Variants in RPL29 observed in about 807,000 individuals in gnomAD.
RPL29 encodes the protein ribosomal protein L29, also known as large ribosomal subunit protein eL29.
Under a neutral mutation model 7.2 loss-of-function variants are expected in RPL29, and 4 were observed. That is an observed-to-expected ratio of 0.55 (90% CI 0.27 to 1.26). The LOEUF (loss-of-function observed/expected upper bound fraction) is 1.26. Among genes scored for constraint, RPL29 ranks in the 50% most tolerant of loss-of-function variants. RPL29 has a pLI of 0.11. For missense variants in RPL29, 148 were observed against 209.1 expected, an observed-to-expected ratio of 0.71 and a Z score of 1.80; for synonymous variants, 73 against 72.8, an observed-to-expected ratio of 1.00 and a Z score of -0.01.
In RPL29 at chr3:51,995,026, G is replaced by A. The variant is rs910758974; in HGVS notation, c.102+16C>T. 6.2e-7 allele frequency: 1 copy of A among 1,605,328 alleles called. No individual in the cohort carries two copies. The highest frequency in any genetic ancestry group is 8.5e-7 in the Non-Finnish European group (1 of 1,172,260). ...GAACCAAGAAAAGACACTTCCATGT[G>A]ATTCAGTGCACTCACCCCCTTAAGA... On this transcript the variant is annotated intron_variant, in intron 3 of 3. Transcript: ENST00000294189.
intron 3 of RPL29, chr3:51,994,710 G>A (rs753119266): frequency 2.4e-5 from 15 of 634,558 alleles, no homozygotes; most frequent in Non-Finnish European, 4.3e-5. Context: ...GTCAGATGGA[G>A]GTCATAAGGC....
In RPL29 at chr3:51,993,605, G is replaced by T; in HGVS notation, c.*144C>A. The T allele has an allele frequency of 1.1e-6, 1 of 879,760 alleles. No homozygotes were observed. The highest frequency in any genetic ancestry group is 1.7e-6 in the Non-Finnish European group (1 of 577,732). The allele number at this position is 879,760 out of a possible 1,614,324, so 54.5% of individuals were successfully genotyped here. A position where few individuals can be genotyped will look rare whatever the true frequency, so the allele number is the denominator to read the frequency against. On this transcript the variant is annotated 3_prime_UTR_variant, in exon 4 of 4. Transcript: ENST00000294189. ...ATGGAGCAACCAAACCCATCCCCAG[G>T]ATCATAGACAGAGGCTAACAAATCC...
At chr3:51,995,587 G>A (rs890821717) in intron 1 of RPL29, 118 bp from the exon 2 acceptor site, 32 of 975,650 alleles carry the variant, frequency 3.3e-5, no homozygotes, top group Non-Finnish European at 4.7e-5. Context: ...CACGAGTCTC[G>A]GCTTACTCTG....
chr3:51,995,321 A>G, intron 2 of RPL29, 104 bp downstream of exon 2: 2 of 1,290,066 alleles, frequency 1.6e-6, no homozygotes, highest in Non-Finnish European at 1.1e-6. Context: ...GAAATCAATC[A>G]GCCTCAGGCC....
chr3:51,994,570 G>C (rs1701290900), intron 3 of RPL29: 1 of 400,064 alleles, frequency 2.5e-6, no homozygotes, highest in South Asian at 3.0e-5. Context: ...CCACGGAACA[G>C]AGAGCAAAAG....
In RPL29 at chr3:51,993,929, G is replaced by T; in HGVS notation, c.300C>A (p.Ala100=). 1 of 1,596,540 alleles carries T rather than the reference G, an allele frequency of 6.3e-7. No homozygotes were observed. The change falls in exon 4 of 4, where the codon GCC becomes GCA. Residue 100 remains alanine (A), a synonymous_variant. Transcript: ENST00000294189. ...GAGCACGCTTCCCAAGCTTGGGGTG[G>T]GCAATGTAGGCAAGTCGATCGAGCT... ...SRKLDRLAYI[A]HPKLGKRARA...
chr3:51,994,520 G>T, intron 3 of RPL29: 1 of 334,330 alleles, frequency 3.0e-6, no homozygotes, highest in Non-Finnish European at 5.6e-6. Context: ...TAGCCAAGGT[G>T]GGATATGGGG....
chr3:51,995,529 C>T (rs138503522), intron 1 of RPL29, 60 bp from the exon 2 acceptor site: 3 of 1,527,424 alleles, frequency 2.0e-6, no homozygotes, highest in African/African-American at 1.4e-5. Flanking sequence ...ACCTCTGCCC[C>T]CCCCATTCTG....
chr3:51,994,290 AC>A, intron 3 of RPL29, 164 bp from the exon 4 acceptor site: 1 of 943,580 alleles, frequency 1.1e-6, no homozygotes, highest in Non-Finnish European at 1.5e-6. Flanking sequence ...GTGTACCACC[AC>A]CCCAGGGAGC....
chr3:51,994,889 T>G, intron 3 of RPL29, 153 bp downstream of exon 3: 1 of 791,430 alleles, frequency 1.3e-6, no homozygotes, highest in South Asian at 1.3e-5. Flanking sequence ...TTATTATGGG[T>G]CTGGTAGGGT....
At chr3:51,994,924 G>A (rs1194455351) in intron 3 of RPL29, 118 bp downstream of exon 3, 2 of 887,682 alleles carry the variant, frequency 2.3e-6, no homozygotes, top group South Asian at 1.3e-5. Flanking sequence ...CAGGCTTTGG[G>A]TGGGCCAGTT....
At position 51,993,984 on chromosome 3, in the gene RPL29, T is replaced by G; in HGVS notation, c.245A>C (p.Lys82Thr). Residue 82 changes from lysine to threonine, a missense_variant, in exon 4 of 4, where the codon AAG (lysine) becomes ACG (threonine). By Grantham distance (78) the Lys-to-Thr change is moderately conservative. Transcript: ENST00000294189. Reference sequence around the variant, plus strand: ...GCTGACACCCTTTGGGATCTTGGGCTTAACCTCCTTGGGCTTTACGAGGGC... The same window carrying G: ...GCTGACACCCTTTGGGATCTTGGGCGTAACCTCCTTGGGCTTTACGAGGGC... ...IKALVKPKEV[K>T]PKIPKGVSRK... 1 of 1,597,712 alleles carries G rather than the reference T, an allele frequency of 6.3e-7. No homozygotes were observed. Among genetic ancestry groups the G allele is most frequent in the African/African-American group, 1.3e-5 (1 of 75,012 alleles).
chr3:51,994,180 T>C, intron 3 of RPL29, 54 bp from the exon 4 acceptor site: 1 of 1,537,468 alleles, frequency 6.5e-7, no homozygotes, highest in Non-Finnish European at 8.7e-7. Flanking sequence ...AGTCTCTCCC[T>C]GCTGCCCCTC....
chr3:51,994,687 A>C, intron 3 of RPL29: 1 of 601,884 alleles, frequency 1.7e-6, no homozygotes, highest in Non-Finnish European at 3.0e-6. Context: ...GCTGACCCCA[A>C]CTCCAGCACT....
chr3:51,994,253 A>G, intron 3 of RPL29, 127 bp from the exon 4 acceptor site: 1 of 1,206,024 alleles, frequency 8.3e-7, no homozygotes, highest in Non-Finnish European at 1.1e-6. Context: ...GGAAATACCC[A>G]ACCTCTTGAA....
In RPL29 at chr3:51,993,568, CCA is replaced by C. The variant is rs1701274053; in HGVS notation, c.*179_*180del. On this transcript the variant is annotated 3_prime_UTR_variant, in exon 4 of 4. Transcript: ENST00000294189. ...CCACCATCCAGACCCATGTCTTCTCCCACACCAACAGATGGAGCAACCAAACC... is the reference window on the plus strand; with the variant it reads ...CCACCATCCAGACCCATGTCTTCTCCCACCAACAGATGGAGCAACCAAACC... 9.2e-6 allele frequency: 6 copies of C among 649,244 alleles called. No individual in the cohort carries two copies. The highest frequency in any genetic ancestry group is 1.6e-5 in the Non-Finnish European group (6 of 386,148). The allele number at this position is 649,244 out of a possible 1,614,324, so 40.2% of individuals were successfully genotyped here.
intron 3 of RPL29, chr3:51,994,455 T>C (rs1312124702): frequency 3.1e-5 from 11 of 352,676 alleles, no homozygotes; most frequent in Admixed American, 3.1e-4. Context: ...GGACACCCCC[T>C]CCCCTCTTTA....
At position 51,995,871 on chromosome 3, in the gene RPL29, C is replaced by T. The variant is rs1035086748; in HGVS notation, c.-23G>A. The T allele has an allele frequency of 8.9e-6, 2 of 225,940 alleles. No homozygotes were observed. Among genetic ancestry groups the T allele is most frequent in the African/African-American group, 2.3e-5 (1 of 43,612 alleles). 14.0% of individuals were successfully genotyped at this position (225,940 alleles called of 1,614,324 possible). On this transcript the variant is annotated 5_prime_UTR_variant, in exon 1 of 4. Transcript: ENST00000294189. ...CCAACACTCACCATAAGCCGCGGCT[C>T]CCGAAGCGCCTAGAACCGGAAGAGA...
In RPL29 at chr3:51,993,957, C is replaced by A; in HGVS notation, c.272G>T (p.Arg91Leu). ...VKPKIPKGVS[R>L]KLDRLAYIAH... is the part of the protein sequence containing the mutation. ...AATGTAGGCAAGTCGATCGAGCTTGCGGCTGACACCCTTTGGGATCTTGGG... is the reference window on the plus strand; with the variant it reads ...AATGTAGGCAAGTCGATCGAGCTTGAGGCTGACACCCTTTGGGATCTTGGG... The change falls in exon 4 of 4, where the codon CGC becomes CTC. Residue 91 changes from arginine to leucine, a missense_variant. Coordinates refer to ENST00000294189, the MANE Select transcript of RPL29 (RefSeq NM_000992.3). 1 of 1,596,844 alleles carries A rather than the reference C, an allele frequency of 6.3e-7. No homozygotes were observed. Among genetic ancestry groups the A allele is most frequent in the Non-Finnish European group, 8.5e-7 (1 of 1,179,778 alleles).
Sources: allele counts gnomAD v4.1 joint callset, GRCh38; gene constraint gnomAD v4.1.1; transcripts MANE v1.5; gene names NCBI Gene and HGNC (gene_info 2026-07-23, HGNC 2026-07-21).